POLE: variants seen among roughly 807,000 people sequenced by gnomAD.
POLE encodes the protein DNA polymerase epsilon, catalytic subunit, also known as DNA polymerase epsilon catalytic subunit A.
In POLE, 188 loss-of-function variants were observed where a neutral mutation model predicts 279.2. That is an observed-to-expected ratio of 0.67 (90% CI 0.60 to 0.76). POLE has a LOEUF of 0.76. Among genes scored for constraint, POLE ranks in the 30% least tolerant of loss-of-function variants. The pLI is 0.00. For synonymous variants in POLE, 1,214 were observed against 1,172.5 expected, an observed-to-expected ratio of 1.04 and a Z score of -0.72; for missense variants, 2,703 against 3,016.7, an observed-to-expected ratio of 0.90 and a Z score of 2.44.
At chr12:132,683,483 T>C (rs558458896) in intron 1 of POLE, among the ~76,000 whole-genome samples, 15 of 152,328 alleles carry the variant, frequency 9.8e-5, no homozygotes, top group African/African-American at 3.1e-4. Flanking sequence ...AATAAATTTA[T>C]ATAGTCACTA....
intron 21 of POLE, 27 bp downstream of exon 21, chr12:132,665,275 G>T: frequency 6.2e-7 from 1 of 1,607,080 alleles, no homozygotes; most frequent in Non-Finnish European, 8.5e-7. Flanking sequence ...CCTCCCATAA[G>T]CCTCTCCCGG....
intron 45 of POLE, 64 bp from the exon 46 acceptor site, chr12:132,626,381 C>T: frequency 6.7e-7 from 1 of 1,500,708 alleles, no homozygotes; most frequent in Non-Finnish European, 9.2e-7. Context: ...TCTGTCTGGA[C>T]CAGAACCCTC....
At chr12:132,672,959 G>T in intron 14 of POLE, 120 bp from the exon 15 acceptor site, 1 of 955,474 alleles carries the variant, frequency 1.0e-6, no homozygotes, top group Non-Finnish European at 1.6e-6. Flanking sequence ...GTGGTAAATG[G>T]CTGCAAATTC....
rs971130623 is a variant in POLE, at chr12:132,634,980, C to T, written c.5812-602G>A. ...ATCCAGGTGTCCTGGGCAGTCTTGG[C>T]TTCATCCTGCCAGCTCCCAGAAGCG... On this transcript the variant is annotated intron_variant, in intron 42 of 48. Transcript: ENST00000320574. This position sits in a 1 kb window ranked among gnomAD's most constrained non-coding sequence, Gnocchi z 4.0. Among the ~76,000 whole-genome samples, 3 of 152,200 alleles carry T rather than the reference C, an allele frequency of 2.0e-5. No individual in the cohort carries two copies. Among genetic ancestry groups the T allele is most frequent in the African/African-American group, 4.8e-5 (2 of 41,446 alleles).
chr12:132,665,302 C>CCCT lies in POLE; in HGVS notation c.2465_2467dup (p.Lys822_Gly823insGlu), dbSNP rs1237046519. The CCCT allele has an allele frequency of 6.8e-6, 11 of 1,613,362 alleles. No homozygotes were observed. The highest frequency in any genetic ancestry group is 1.7e-5 in the Admixed American group (1 of 59,996). On this transcript the variant is annotated inframe_insertion and splice_region_variant, in exon 21 of 49. Coordinates refer to ENST00000320574, the MANE Select transcript of POLE (RefSeq NM_006231.4). ...CTCTCCCGGGCCCGGGCCCACCTAC[C>CCCT]CCTTGCGCATGACATAGCCATAGAA...
At chr12:132,663,187 T>C (rs1234972981) in intron 23 of POLE, among the ~76,000 whole-genome samples, 5 of 152,138 alleles carry the variant, frequency 3.3e-5, no homozygotes, top group Non-Finnish European at 5.9e-5. Flanking sequence ...GTCCAGAAAC[T>C]CTGACAGCCC....
intron 46 of POLE, 43 bp from the exon 47 acceptor site, chr12:132,625,813 A>G: frequency 2.5e-6 from 4 of 1,596,928 alleles, no homozygotes; most frequent in South Asian, 1.1e-5. Context: ...CCCAGCCTCC[A>G]GACCACAGTG....
At chr12:132,687,146 C>T (rs2043292792) in intron 1 of POLE, 108 bp downstream of exon 1, 3 of 597,588 alleles carry the variant, frequency 5.0e-6, no homozygotes, top group East Asian at 4.1e-5. Context: ...CGAGTGCGGG[C>T]GGCTGCGGGA....
At position 132,679,885 on chromosome 12, in the gene POLE, G is replaced by A. The variant is rs573412022; in HGVS notation, c.423+69C>T. On this transcript the variant is annotated intron_variant, in intron 5 of 48. Transcript: ENST00000320574. ...GATGACCTGAATTTCTACCTCTTCC[G>A]ATCCCACCTGCCAGGAACAATGTAG... The A allele has an allele frequency of 8.9e-4, 1,081 of 1,210,092 alleles. 11 individuals carry two copies. In the South Asian group the frequency reaches 0.011, roughly 12 times the overall value. 75.0% of individuals were successfully genotyped at this position (1,210,092 alleles called of 1,614,324 possible). A position where few individuals can be genotyped will look rare whatever the true frequency, so the allele number is the denominator to read the frequency against.
intron 45 of POLE, among the ~76,000 whole-genome samples, chr12:132,630,559 G>A (rs2041916465): frequency 6.6e-6 from 1 of 152,122 alleles, no homozygotes; most frequent in Admixed American, 6.6e-5. Context: ...AGACCAGCCT[G>A]GCCAACATGG....
intron 29 of POLE, among the ~76,000 whole-genome samples, chr12:132,652,593 CAATTACAG>C (rs1467605801): frequency 1.3e-5 from 2 of 152,122 alleles, no homozygotes; most frequent in African/African-American, 4.8e-5. Context: ...CAAAGCACTG[CAATTACAG>C]GCATGAGCCA....
At chr12:132,628,118 C>CAGATCACAAGGTCAGG (rs1201060924) in intron 45 of POLE, among the ~76,000 whole-genome samples, 1 of 149,310 alleles carries the variant, frequency 6.7e-6, no homozygotes, top group East Asian at 2.0e-4. Context: ...CCGAGGTGGG[C>CAGATCACAAGGTCAGG]AGATCACAAG....
Position 132,624,610 on chromosome 12 carries a change from G to A in POLE, c.*87C>T, listed in dbSNP as rs568038870. 74 of 818,696 alleles carry A rather than the reference G, an allele frequency of 9.0e-5. No homozygotes were observed. The Admixed American group carries it at 9.3e-4, about 10-fold the overall frequency. The allele number at this position is 818,696 out of a possible 1,614,324, so 50.7% of individuals were successfully genotyped here. On this transcript the variant is annotated 3_prime_UTR_variant, in exon 49 of 49. Transcript: ENST00000320574. Reference sequence around the variant, plus strand: ...CAGGTTTGGACAGTCAGGGTGGTCAGTGGTCTGGTCACTGGAAGCACGGGG... The same window carrying A: ...CAGGTTTGGACAGTCAGGGTGGTCAATGGTCTGGTCACTGGAAGCACGGGG...
intron 45 of POLE, among the ~76,000 whole-genome samples, chr12:132,628,484 A>G (rs2041877698): frequency 6.6e-6 from 1 of 152,156 alleles, no homozygotes; most frequent in African/African-American, 2.4e-5. Context: ...CTCTATTAAA[A>G]ATACAAAAAT....
chr12:132,626,849 T>C (rs2041849948), intron 45 of POLE, among the ~76,000 whole-genome samples: 1 of 152,240 alleles, frequency 6.6e-6, no homozygotes, highest in Non-Finnish European at 1.5e-5. Flanking sequence ...TACAAGCGTA[T>C]CTTGGAGATA....
In POLE at chr12:132,646,948, C is replaced by T. The variant is rs201091558; in HGVS notation, c.4149+1981G>A. 1.6e-4 allele frequency among the ~76,000 whole-genome samples: 24 copies of T among 152,308 alleles called. No homozygotes were observed. The East Asian group carries it at 3.1e-3, about 20-fold the overall frequency. ...GCCTGAGCTCAAGCAATCCACCAGCCTCAGCCTCCCAAATTGCTGGGATTA... is the reference window on the plus strand; with the variant it reads ...GCCTGAGCTCAAGCAATCCACCAGCTTCAGCCTCCCAAATTGCTGGGATTA... On this transcript the variant is annotated intron_variant, in intron 32 of 48. Coordinates refer to ENST00000320574, the MANE Select transcript of POLE (RefSeq NM_006231.4).
rs1473937569 is a variant in POLE, at chr12:132,677,460, G to A, written c.721-17C>T. The A allele has an allele frequency of 2.5e-6, 4 of 1,611,180 alleles. No individual in the cohort carries two copies. The East Asian group carries it at 8.9e-5, about 36-fold the overall frequency. Reference sequence around the variant, plus strand: ...CCAATGAGCCTGCAAAACACACAGTGTGCTAACTAGAGTTCTACATCCAGG... The same window carrying A: ...CCAATGAGCCTGCAAAACACACAGTATGCTAACTAGAGTTCTACATCCAGG... On this transcript the variant is annotated splice_polypyrimidine_tract_variant and intron_variant, in intron 7 of 48. Coordinates refer to ENST00000320574, the MANE Select transcript of POLE (RefSeq NM_006231.4).
chr12:132,679,915 T>C (rs1593085796), intron 5 of POLE, 39 bp downstream of exon 5: 6 of 1,416,306 alleles, frequency 4.2e-6, no homozygotes, highest in African/African-American at 1.4e-5. Flanking sequence ...ATGTAGACTC[T>C]GGCCTCATTT....
At chr12:132,645,906 C>T (rs545808373) in intron 32 of POLE, among the ~76,000 whole-genome samples, 4 of 152,238 alleles carry the variant, frequency 2.6e-5, no homozygotes, top group Admixed American at 2.0e-4. Flanking sequence ...TATTTCCTGG[C>T]TGTTCACTGA....
Sources: gnomAD v4.1 joint callset for allele counts (sites outside exome capture counted in the v4.1 genomes callset) on GRCh38, gnomAD v4.1.1 for gene constraint, Gnocchi (gnomAD v3.1) non-coding constraint, MANE v1.5 for transcripts, NCBI Gene and HGNC (gene_info 2026-07-23, HGNC 2026-07-21) for gene names.